The following AGPAT4 variants were observed in gnomAD, a reference collection of about 807,000 sequenced individuals.
The protein encoded by AGPAT4 is 1-acyl-sn-glycerol-3-phosphate acyltransferase delta.
In AGPAT4, 15 loss-of-function variants were observed where a neutral mutation model predicts 48.0. That is an observed-to-expected ratio of 0.31 (90% CI 0.21 to 0.48). The LOEUF (loss-of-function observed/expected upper bound fraction) is 0.48, where lower values mean the gene tolerates loss of function less well. Among genes scored for constraint, AGPAT4 ranks in the 20% least tolerant of loss-of-function variants. AGPAT4 has a pLI of 0.99. For missense variants in AGPAT4, 314 were observed against 482.5 expected (o/e 0.65, Z 3.27); for synonymous variants, 178 against 198.7 (o/e 0.90, Z 0.88).
chr6:161,187,834 G>A (rs578172462), intron 2 of AGPAT4, among the ~76,000 whole-genome samples: 11 of 152,190 alleles, frequency 7.2e-5, no homozygotes, highest in Admixed American at 5.9e-4. Context: ...GTGAGCCACC[G>A]TGCCCGGCCC....
chr6:161,175,496 C>A (rs1181810531), intron 2 of AGPAT4, among the ~76,000 whole-genome samples: 3 of 152,088 alleles, frequency 2.0e-5, no homozygotes, highest in African/African-American at 4.8e-5. Flanking sequence ...GTGGTGATAT[C>A]CCCTTTATCA....
At position 161,267,131 on chromosome 6, in the gene AGPAT4, C is replaced by A. The variant is rs3798951; in HGVS notation, c.-90+6807G>T. Among the ~76,000 whole-genome samples the A allele has an allele frequency of 0.053, 8,080 of 152,256 alleles. 367 individuals carry two copies. Among genetic ancestry groups the A allele is most frequent in the East Asian group, 0.27 (1,383 of 5,166 alleles). ...CTCAGTCAAGTTCAATCCTGGGTTA[C>A]ACATTGGTTTTGAGAAGAGTTCATC... On this transcript the variant is annotated intron_variant, in intron 1 of 8. Transcript: ENST00000320285. This position sits in a 1 kb window ranked among gnomAD's most constrained non-coding sequence, Gnocchi z 5.2.
intron 2 of AGPAT4, among the ~76,000 whole-genome samples, chr6:161,172,211 A>T (rs1401766511): frequency 6.6e-6 from 1 of 152,232 alleles, no homozygotes; most frequent in Non-Finnish European, 1.5e-5. Flanking sequence ...AATGACCTGC[A>T]CTAAGAGGAA....
intron 2 of AGPAT4, among the ~76,000 whole-genome samples, chr6:161,174,950 T>C (rs1221850087): frequency 6.6e-6 from 1 of 152,222 alleles, no homozygotes; most frequent in Admixed American, 6.5e-5. Flanking sequence ...GGATTTATGT[T>C]TATTGATTTG....
At chr6:161,211,023 T>C (rs1388446867) in intron 2 of AGPAT4, among the ~76,000 whole-genome samples, 4 of 152,236 alleles carry the variant, frequency 2.6e-5, no homozygotes, top group African/African-American at 4.8e-5. Flanking sequence ...ATTTGGCCTA[T>C]GCCCAGGAAT....
At position 161,161,369 on chromosome 6, in the gene AGPAT4, T is replaced by C. The variant is rs1462002240; in HGVS notation, c.348+4879A>G. 2 of 456,610 alleles carry C rather than the reference T, an allele frequency of 4.4e-6. No homozygotes were observed. The highest frequency in any genetic ancestry group is 8.8e-6 in the Non-Finnish European group (2 of 226,982). The allele number at this position is 456,610 out of a possible 1,614,324, so 28.3% of individuals were successfully genotyped here. A position where few individuals can be genotyped will look rare whatever the true frequency, so the allele number is the denominator to read the frequency against. On this transcript the variant is annotated intron_variant, in intron 3 of 8. Coordinates refer to ENST00000320285, the MANE Select transcript of AGPAT4 (RefSeq NM_020133.3). This position sits in a 1 kb window ranked among gnomAD's most constrained non-coding sequence, Gnocchi z 4.6. ...AGTGGTTCGCCTGCTACCTCGGTCG[T>C]CACCATTATCGGGTTCCTCATCCAT... is the stretch of plus-strand genomic sequence containing the variant.
rs1426278634 is a variant in AGPAT4, at chr6:161,155,420, A to G, written c.349-1110T>C. ...CCACAGCGCAGAGAGCTCCGGCTTC[A>G]ACACAGCCCTCTCTCCTCTCCTCCC... On this transcript the variant is annotated intron_variant, in intron 3 of 8. Coordinates refer to ENST00000320285, the MANE Select transcript of AGPAT4 (RefSeq NM_020133.3). The surrounding 1 kb of genome is among the most constrained non-coding windows in gnomAD (Gnocchi z 5.8). Among the ~76,000 whole-genome samples, 3 of 152,154 alleles carry G rather than the reference A, an allele frequency of 2.0e-5. No individual in the cohort carries two copies. The highest frequency in any genetic ancestry group is 4.4e-5 in the Non-Finnish European group (3 of 68,022).
At chr6:161,167,315 T>A (rs1474856357) in intron 2 of AGPAT4, among the ~76,000 whole-genome samples, 1 of 152,092 alleles carries the variant, frequency 6.6e-6, no homozygotes. Context: ...AGCCTCAACC[T>A]CCCAGGCTCA....
intron 2 of AGPAT4, among the ~76,000 whole-genome samples, chr6:161,207,813 A>T (rs1781418391): frequency 6.6e-6 from 1 of 152,166 alleles, no homozygotes; most frequent in South Asian, 2.1e-4. Flanking sequence ...TGTTAGGGAA[A>T]GAGAAGTCCT....
chr6:161,139,674 C>T lies in AGPAT4; in HGVS notation c.844-54G>A. The T allele has an allele frequency of 6.8e-7, 1 of 1,479,572 alleles. No homozygotes were observed. Among genetic ancestry groups the T allele is most frequent in the South Asian group, 1.3e-5 (1 of 77,764 alleles). The allele number at this position is 1,479,572 out of a possible 1,614,324, so 91.7% of individuals were successfully genotyped here. On this transcript the variant is annotated intron_variant, in intron 7 of 8. Coordinates refer to ENST00000320285, the MANE Select transcript of AGPAT4 (RefSeq NM_020133.3). The surrounding 1 kb of genome is among the most constrained non-coding windows in gnomAD (Gnocchi z 9.1). ...CGCCACACGGGGCTCGGTGGCAGGT[C>T]CCTCCCGAGGCCCTGCTTCCAAGGG...
chr6:161,268,302 A>G (rs1359060042), intron 1 of AGPAT4, among the ~76,000 whole-genome samples: 2 of 152,188 alleles, frequency 1.3e-5, no homozygotes, highest in African/African-American at 2.4e-5. Context: ...CCTGGCATAA[A>G]CTAGACTGAG....
At chr6:161,228,367 C>T (rs996580095) in intron 2 of AGPAT4, among the ~76,000 whole-genome samples, 81 of 152,148 alleles carry the variant, frequency 5.3e-4, no homozygotes, top group Non-Finnish European at 1.5e-5. Context: ...AGCTGTGCAT[C>T]CAACAGCCGT....
chr6:161,225,193 T>C lies in AGPAT4; in HGVS notation c.178+6843A>G, dbSNP rs191471981. On this transcript the variant is annotated intron_variant, in intron 2 of 8. Coordinates refer to ENST00000320285, the MANE Select transcript of AGPAT4 (RefSeq NM_020133.3). The surrounding 1 kb of genome is among the most constrained non-coding windows in gnomAD (Gnocchi z 5.0). Reference sequence around the variant, plus strand: ...CTCATTCCAATTACCTACTCTACCCTGACTCATTCTGATTCCGTCCCCTGT... The same window carrying C: ...CTCATTCCAATTACCTACTCTACCCCGACTCATTCTGATTCCGTCCCCTGT... 2.4e-3 allele frequency among the ~76,000 whole-genome samples: 367 copies of C among 152,300 alleles called. 3 individuals are homozygous for C. Among genetic ancestry groups the C allele is most frequent in the Non-Finnish European group, 4.1e-3 (279 of 68,016 alleles).
Position 161,147,683 on chromosome 6 carries a change from G to A in AGPAT4, c.768-1084C>T, listed in dbSNP as rs529763879. ...ATTCTTTCACCTTTTCTGTTCCTAC[G>A]CACACTGCACTTCTCTGGATCCTCT... On this transcript the variant is annotated intron_variant, in intron 6 of 8. Coordinates refer to ENST00000320285, the MANE Select transcript of AGPAT4 (RefSeq NM_020133.3). The surrounding 1 kb of genome is among the most constrained non-coding windows in gnomAD (Gnocchi z 4.8). 3.9e-5 allele frequency among the ~76,000 whole-genome samples: 6 copies of A among 152,188 alleles called. No homozygotes were observed. The highest frequency in any genetic ancestry group is 7.2e-5 in the African/African-American group (3 of 41,504).
intron 2 of AGPAT4, among the ~76,000 whole-genome samples, chr6:161,193,550 C>T (rs926866106): frequency 2.3e-4 from 35 of 152,182 alleles, no homozygotes; most frequent in African/African-American, 8.0e-4. Flanking sequence ...CAACTCAGAC[C>T]AATACAAACT....
In AGPAT4 at chr6:161,165,487, C is replaced by T. The variant is rs1780068266; in HGVS notation, c.348+761G>A. 1 of 861,650 alleles carries T rather than the reference C, an allele frequency of 1.2e-6. No individual in the cohort carries two copies. Among genetic ancestry groups the T allele is most frequent in the Non-Finnish European group, 1.5e-6 (1 of 652,806 alleles). The allele number at this position is 861,650 out of a possible 1,614,324, so 53.4% of individuals were successfully genotyped here. On this transcript the variant is annotated intron_variant, in intron 3 of 8. Coordinates refer to ENST00000320285, the MANE Select transcript of AGPAT4 (RefSeq NM_020133.3). The surrounding 1 kb of genome is among the most constrained non-coding windows in gnomAD (Gnocchi z 5.5). ...CAGGGCATTGTTCCCAGGTGCAAAA[C>T]CTGATCTCTAAGTTCTGGTGCAAAC...
Position 161,130,976 on chromosome 6 carries a change from A to G in AGPAT4, c.*5564T>C, listed in dbSNP as rs1387643557. 1 of 492,334 alleles carries G rather than the reference A, an allele frequency of 2.0e-6. No individual in the cohort carries two copies. The highest frequency in any genetic ancestry group is 4.1e-6 in the Non-Finnish European group (1 of 243,494). 30.5% of individuals were successfully genotyped at this position (492,334 alleles called of 1,614,324 possible). A position where few individuals can be genotyped will look rare whatever the true frequency, so the allele number is the denominator to read the frequency against. ...GGCTAAAACTAGTACTATGGAATAG[A>G]AAAGGAAAAGTGACATTTGTGTAAT... On this transcript the variant is annotated 3_prime_UTR_variant, in exon 9 of 9. Coordinates refer to ENST00000320285, the MANE Select transcript of AGPAT4 (RefSeq NM_020133.3).
chr6:161,224,298 A>G (rs936255038), intron 2 of AGPAT4, among the ~76,000 whole-genome samples: 1 of 152,188 alleles, frequency 6.6e-6, no homozygotes, highest in Admixed American at 6.5e-5. Flanking sequence ...TGATTAGTAT[A>G]ACATGTGGCA....
intron 5 of AGPAT4, among the ~76,000 whole-genome samples, chr6:161,150,472 A>T (rs1490081311): frequency 3.9e-5 from 6 of 152,202 alleles, no homozygotes; most frequent in Non-Finnish European, 8.8e-5. Context: ...AAGTATTAAT[A>T]AAAGGAGTGG....
Sources: allele counts gnomAD v4.1 joint callset (sites outside exome capture counted in the v4.1 genomes callset), GRCh38; gene constraint gnomAD v4.1.1; non-coding constraint Gnocchi (gnomAD v3.1); transcripts MANE v1.5; gene names NCBI Gene and HGNC (gene_info 2026-07-23, HGNC 2026-07-21).